The following SMOC2 variants were observed in gnomAD, a reference collection of about 807,000 sequenced individuals.
SMOC2 encodes the protein SPARC related modular calcium binding 2, also known as SPARC-related modular calcium-binding protein 2.
A neutral mutation model predicts 61.4 loss-of-function variants in SMOC2; 39 were observed. That is an observed-to-expected ratio of 0.64 (90% CI 0.49 to 0.83). The LOEUF (loss-of-function observed/expected upper bound fraction) is 0.83. Among genes scored for constraint, SMOC2 ranks in the 40% least tolerant of loss-of-function variants. The probability of loss-of-function intolerance (pLI) is 0.00; values close to 1 mark genes in which losing one functional copy is unlikely to be tolerated. For missense variants in SMOC2, 556 were observed against 592.9 expected (o/e 0.94, Z 0.65); for synonymous variants, 247 against 239.9 (o/e 1.03, Z -0.27).
intron 2 of SMOC2, among the ~76,000 whole-genome samples, chr6:168,518,024 G>A (rs2144746): frequency 0.27 from 41,327 of 152,262 alleles, 6,180 homozygotes; most frequent in East Asian, 0.39. Flanking sequence ...TTTTCCCATC[G>A]CATGAGTGTT....
Position 168,541,637 on chromosome 6 carries a change from TA to T in SMOC2, c.464-1984del, listed in dbSNP as rs553760344. On this transcript the variant is annotated intron_variant, in intron 4 of 12. Coordinates refer to ENST00000356284, the MANE Select transcript of SMOC2 (RefSeq NM_001166412.2). ...CATCATCTTTTCATCCCAAGGTGGT[TA>T]AAAGGTGAAGTCAATGCACTATCAG... Among the ~76,000 whole-genome samples the T allele has an allele frequency of 3.8e-4, 58 of 152,206 alleles. 1 individual carries two copies. The highest frequency in any genetic ancestry group is 3.4e-3 in the Middle Eastern group (1 of 294).
At position 168,464,336 on chromosome 6, in the gene SMOC2, G is replaced by A. The variant is rs374045420; in HGVS notation, c.84+22882G>A. Among the ~76,000 whole-genome samples, 9 of 152,208 alleles carry A rather than the reference G, an allele frequency of 5.9e-5. 1 individual carries two copies. The East Asian group carries it at 1.4e-3, about 23-fold the overall frequency. ...GAAATCTCCTTCCACTTGGCTACTC[G>A]GATAATAGCTCTGGAGACTGGCTTT... On this transcript the variant is annotated intron_variant, in intron 1 of 12. Coordinates refer to ENST00000356284, the MANE Select transcript of SMOC2 (RefSeq NM_001166412.2).
intron 11 of SMOC2, 104 bp downstream of exon 11, chr6:168,653,332 G>T: frequency 1.4e-6 from 2 of 1,393,816 alleles, no homozygotes; most frequent in South Asian, 1.4e-5. Context: ...TGGCCTGGGA[G>T]TGCAAAAAAT....
intron 1 of SMOC2, among the ~76,000 whole-genome samples, chr6:168,480,414 A>G (rs1363228343): frequency 1.3e-5 from 2 of 152,174 alleles, no homozygotes; most frequent in African/African-American, 4.8e-5. Context: ...ATGTTAATAA[A>G]GATATAGGAA....
chr6:168,615,126 C>T (rs1204053436), intron 9 of SMOC2, among the ~76,000 whole-genome samples: 2 of 31,490 alleles, frequency 6.4e-5, no homozygotes, highest in South Asian at 2.0e-3. Flanking sequence ...GGCCTCTTTA[C>T]ATCTACAGCC....
rs1297800422 is a variant in SMOC2, at chr6:168,441,188, C to T, written c.-183C>T. On this transcript the variant is annotated 5_prime_UTR_variant, in exon 1 of 13. Transcript: ENST00000356284. ...GGAGCGAGGGCGGACGCAAAGAACG[C>T]GGAGGACCTCTGGGTGCCTGCAGGG... 5 of 838,140 alleles carry T rather than the reference C, an allele frequency of 6.0e-6. No individual in the cohort carries two copies. The highest frequency in any genetic ancestry group is 8.2e-6 in the Non-Finnish European group (5 of 607,014). 51.9% of individuals were successfully genotyped at this position (838,140 alleles called of 1,614,324 possible). A position where few individuals can be genotyped will look rare whatever the true frequency, so the allele number is the denominator to read the frequency against.
chr6:168,466,296 G>T (rs34913020), intron 1 of SMOC2, among the ~76,000 whole-genome samples: 43,724 of 150,504 alleles, frequency 0.29, 8,145 homozygotes, highest in African/African-American at 0.52. Flanking sequence ...GGCTCTGAGT[G>T]GAAGCACTGC....
chr6:168,499,215 G>A (rs1055884278), intron 1 of SMOC2, among the ~76,000 whole-genome samples: 4 of 152,244 alleles, frequency 2.6e-5, no homozygotes, highest in African/African-American at 9.6e-5. Flanking sequence ...GGGTGGAGAT[G>A]AGAGTCCATT....
intron 9 of SMOC2, among the ~76,000 whole-genome samples, chr6:168,613,125 C>T (rs1785931310): frequency 6.6e-6 from 1 of 152,186 alleles, no homozygotes; most frequent in Non-Finnish European, 1.5e-5. Context: ...GGAACGCTCA[C>T]ATTTTCGTCA....
At chr6:168,458,921 G>A (rs1435248239) in intron 1 of SMOC2, among the ~76,000 whole-genome samples, 1 of 152,206 alleles carries the variant, frequency 6.6e-6, no homozygotes, top group Non-Finnish European at 1.5e-5. Context: ...TTGGAAAATA[G>A]TGTAACATGG....
At chr6:168,623,348 T>TTTTTTTGG (rs1786294156) in intron 9 of SMOC2, among the ~76,000 whole-genome samples, 1 of 148,438 alleles carries the variant, frequency 6.7e-6, no homozygotes, top group Non-Finnish European at 1.5e-5. Flanking sequence ...TTTTTTTTTT[T>TTTTTTTGG]GAGACAGAGT....
chr6:168,589,028 G>C (rs569326142), intron 7 of SMOC2, among the ~76,000 whole-genome samples: 62 of 139,478 alleles, frequency 4.4e-4, no homozygotes, highest in Middle Eastern at 8.7e-3. Flanking sequence ...AGTGAGTTGA[G>C]ATCGTGCCAC....
intron 2 of SMOC2, among the ~76,000 whole-genome samples, chr6:168,525,415 G>GC (rs1451543300): frequency 6.6e-6 from 1 of 152,202 alleles, no homozygotes; most frequent in Non-Finnish European, 1.5e-5. Flanking sequence ...TCTTAACCTG[G>GC]CCCTGATTGT....
chr6:168,562,583 A>C (rs1784446196), intron 7 of SMOC2, among the ~76,000 whole-genome samples: 1 of 152,048 alleles, frequency 6.6e-6, no homozygotes, highest in South Asian at 2.1e-4. Context: ...AAAAATGCAA[A>C]CGTTCACCCA....
intron 1 of SMOC2, among the ~76,000 whole-genome samples, chr6:168,465,193 A>C (rs1405268828): frequency 6.6e-6 from 1 of 152,216 alleles, no homozygotes; most frequent in Non-Finnish European, 1.5e-5. Flanking sequence ...CAACAAAATG[A>C]ATCTCTTTGT....
chr6:168,635,284 A>T (rs1368102556), intron 9 of SMOC2, among the ~76,000 whole-genome samples: 1 of 152,228 alleles, frequency 6.6e-6, no homozygotes. Context: ...GCAGTTTATC[A>T]TCTAGCTGTG....
chr6:168,441,813 C>A (rs1010722916), intron 1 of SMOC2, among the ~76,000 whole-genome samples: 1 of 152,168 alleles, frequency 6.6e-6, no homozygotes, highest in Admixed American at 6.5e-5. Flanking sequence ...TGCGGGTGCG[C>A]TCGGGTGTCC....
At chr6:168,467,208 C>G (rs1319271193) in intron 1 of SMOC2, among the ~76,000 whole-genome samples, 1 of 151,668 alleles carries the variant, frequency 6.6e-6, no homozygotes, top group African/African-American at 2.4e-5. Context: ...GGGTCCTGCT[C>G]TGTTGCTCAG....
intron 11 of SMOC2, among the ~76,000 whole-genome samples, chr6:168,659,668 GGGT>G (rs1562410845): frequency 2.4e-5 from 2 of 82,074 alleles, no homozygotes; most frequent in Non-Finnish European, 2.7e-5. Context: ...GTTGTAGGCT[GGGT>G]GAGGGTGGAG....
Sources: allele counts gnomAD v4.1 joint callset (sites outside exome capture counted in the v4.1 genomes callset), GRCh38; gene constraint gnomAD v4.1.1; transcripts MANE v1.5; gene names NCBI Gene and HGNC (gene_info 2026-07-23, HGNC 2026-07-21).